ZNF366: variants seen among roughly 807,000 people sequenced by gnomAD.
ZNF366 encodes zinc finger protein 366.
ZNF366 carries 20 observed loss-of-function variants against 47.2 expected under a neutral mutation model. The ratio of observed to expected loss-of-function variants is 0.42; its 90% CI spans 0.30 to 0.62. The LOEUF is 0.62. Among genes scored for constraint, ZNF366 ranks in the 20% least tolerant of loss-of-function variants. The pLI is 0.16. For missense variants in ZNF366, 987 were observed against 976.3 expected, an observed-to-expected ratio of 1.01 and a Z score of -0.15; for synonymous variants, 421 against 395.1, an observed-to-expected ratio of 1.07 and a Z score of -0.78.
At position 72,501,596 on chromosome 5, in the gene ZNF366, C is replaced by T. The variant is rs551083123; in HGVS notation, c.-15+5655G>A. On this transcript the variant is annotated intron_variant, in intron 1 of 4. Coordinates refer to ENST00000318442, the MANE Select transcript of ZNF366 (RefSeq NM_152625.3). ...CAACAAGGGTATCACATTTCTCTCC[C>T]TGAATTTACCCCATGGTGTTTTGTC... Among the ~76,000 whole-genome samples, 19 of 152,316 alleles carry T rather than the reference C, an allele frequency of 1.2e-4. No individual in the cohort carries two copies. In the South Asian group the frequency reaches 1.9e-3, roughly 15 times the overall value.
chr5:72,457,914 C>T (rs1351914764), intron 2 of ZNF366, among the ~76,000 whole-genome samples: 1 of 150,686 alleles, frequency 6.6e-6, no homozygotes, highest in Non-Finnish European at 1.5e-5. Flanking sequence ...GGAGATGAAT[C>T]TTTAAAATGT....
rs77724139 is a variant in ZNF366 at position 72,443,692 on chromosome 5, T to C, written c.*64A>G. The C allele has an allele frequency of 4.0e-5, 61 of 1,506,318 alleles. No homozygotes were observed. In the East Asian group the frequency reaches 1.4e-3, roughly 34 times the overall value. 93.3% of individuals were successfully genotyped at this position (1,506,318 alleles called of 1,614,324 possible). A position where few individuals can be genotyped will look rare whatever the true frequency, so the allele number is the denominator to read the frequency against. On this transcript the variant is annotated 3_prime_UTR_variant, in exon 5 of 5. Coordinates refer to ENST00000318442, the MANE Select transcript of ZNF366 (RefSeq NM_152625.3). Reference sequence around the variant, plus strand: ...CCAGTCTCCAGAAAATGACAGTTCATGCAGAAAGCTATATTTGAACTGCCT... The same window carrying C: ...CCAGTCTCCAGAAAATGACAGTTCACGCAGAAAGCTATATTTGAACTGCCT...
intron 1 of ZNF366, among the ~76,000 whole-genome samples, chr5:72,494,953 C>G (rs900917396): frequency 7.9e-5 from 12 of 152,248 alleles, no homozygotes; most frequent in African/African-American, 2.6e-4. Context: ...CTCAACCCCC[C>G]GCATAATGTC....
In ZNF366 at chr5:72,444,141, T is replaced by C. The variant is rs1173964285; in HGVS notation, c.1850A>G (p.His617Arg). The C allele has an allele frequency of 1.9e-6, 3 of 1,613,664 alleles. No homozygotes were observed. The African/African-American group carries it at 4.0e-5, about 22-fold the overall frequency. ...GCAGTTATCCTCCTCTTCCTCCTCG[T>C]GGCAGTGGCTGCCCTGGGCACTCTC... ...DGESAQGSHC[H>R]EEEEEDNCYE... Residue 617 changes from histidine (H) to arginine (R), a missense_variant, in exon 5 of 5, where the codon CAC (histidine) becomes CGC (arginine). Physicochemically the swap from His to Arg is conservative, Grantham distance 29 (BLOSUM62 0). Coordinates refer to ENST00000318442, the MANE Select transcript of ZNF366 (RefSeq NM_152625.3).
Position 72,505,467 on chromosome 5 carries a change from G to C in ZNF366, c.-15+1784C>G, listed in dbSNP as rs182166215. Reference sequence around the variant, plus strand: ...ATCTCAAGCCATAGTCATGCTAGCAGTGGGGCTGTTTTCTGAGCCACTGGC... The same window carrying C: ...ATCTCAAGCCATAGTCATGCTAGCACTGGGGCTGTTTTCTGAGCCACTGGC... On this transcript the variant is annotated intron_variant, in intron 1 of 4. Transcript: ENST00000318442. Among the ~76,000 whole-genome samples the C allele has an allele frequency of 9.3e-4, 142 of 152,318 alleles. 3 individuals are homozygous for C. Among genetic ancestry groups the C allele is most frequent in the Non-Finnish European group, 1.5e-4 (10 of 68,034 alleles).
At chr5:72,494,123 A>C (rs1404335198) in intron 1 of ZNF366, 2 of 152,036 alleles carry the variant, frequency 1.3e-5, no homozygotes, top group Non-Finnish European at 2.9e-5. Flanking sequence ...CATAAACGTA[A>C]CATAACATAT....
chr5:72,489,474 C>G (rs190123366), intron 1 of ZNF366, among the ~76,000 whole-genome samples: 2 of 152,198 alleles, frequency 1.3e-5, no homozygotes, highest in East Asian at 3.9e-4. Flanking sequence ...TAATATATTT[C>G]TTCATGGAGC....
chr5:72,443,722 CT>C lies in ZNF366; in HGVS notation c.*33del. 6.3e-7 allele frequency: 1 copy of C among 1,584,738 alleles called. No individual in the cohort carries two copies. On this transcript the variant is annotated 3_prime_UTR_variant, in exon 5 of 5. Transcript: ENST00000318442. ...AAAGCTATATTTGAACTGCCTCCTTCTCATTTTCCAAATGTAATTTTAAAAC... is the reference window on the plus strand; with the variant it reads ...AAAGCTATATTTGAACTGCCTCCTTCCATTTTCCAAATGTAATTTTAAAAC...
At chr5:72,444,341 T>C (rs370447402) in intron 4 of ZNF366, 50 bp from the exon 5 acceptor site, 21 of 1,552,038 alleles carry the variant, frequency 1.4e-5, no homozygotes, top group Admixed American at 1.9e-5. Flanking sequence ...GCTGTGGAAA[T>C]GGGACCTTGA....
chr5:72,469,941 A>T (rs1459368147), intron 1 of ZNF366, among the ~76,000 whole-genome samples: 2 of 152,172 alleles, frequency 1.3e-5, no homozygotes, highest in Non-Finnish European at 2.9e-5. Context: ...GCTACTCAGG[A>T]CGCTGAGGTG....
intron 1 of ZNF366, among the ~76,000 whole-genome samples, chr5:72,501,925 C>T (rs1187999844): frequency 6.6e-6 from 1 of 152,192 alleles, no homozygotes; most frequent in African/African-American, 2.4e-5. Context: ...CATGTAGCAG[C>T]CCCATGCACA....
intron 3 of ZNF366, among the ~76,000 whole-genome samples, chr5:72,453,820 A>G (rs1743126822): frequency 6.6e-6 from 1 of 152,210 alleles, no homozygotes; most frequent in Non-Finnish European, 1.5e-5. Context: ...AAGGTGGCTG[A>G]CACTCATTCT....
At chr5:72,465,492 C>T (rs1743410947) in intron 1 of ZNF366, among the ~76,000 whole-genome samples, 1 of 152,080 alleles carries the variant, frequency 6.6e-6, no homozygotes, top group African/African-American at 2.4e-5. Flanking sequence ...TCATAGAAAA[C>T]CTCAATGTGT....
intron 1 of ZNF366, among the ~76,000 whole-genome samples, chr5:72,476,316 G>A (rs929944426): frequency 2.6e-5 from 4 of 152,090 alleles, no homozygotes; most frequent in African/African-American, 7.2e-5. Context: ...CTCTTGGGTG[G>A]GAGTCAGGCA....
chr5:72,487,847 A>C (rs938359544), intron 1 of ZNF366, among the ~76,000 whole-genome samples: 1 of 152,180 alleles, frequency 6.6e-6, no homozygotes, highest in Non-Finnish European at 1.5e-5. Flanking sequence ...CCTGTGGCAG[A>C]CTGCTTAGGA....
chr5:72,445,838 G>A (rs1260470031), intron 4 of ZNF366, among the ~76,000 whole-genome samples: 1 of 152,198 alleles, frequency 6.6e-6, no homozygotes, highest in Non-Finnish European at 1.5e-5. Context: ...AAAAACTTTT[G>A]CAGGAAAAAT....
At chr5:72,502,285 C>G (rs1744225120) in intron 1 of ZNF366, among the ~76,000 whole-genome samples, 1 of 152,112 alleles carries the variant, frequency 6.6e-6, no homozygotes. Flanking sequence ...TGTTCTTATT[C>G]TTTTATGTAA....
chr5:72,469,457 C>T (rs1254890323), intron 1 of ZNF366, among the ~76,000 whole-genome samples: 1 of 152,042 alleles, frequency 6.6e-6, no homozygotes, highest in South Asian at 2.1e-4. Context: ...GCCAAGGTGA[C>T]CAGACCCCAC....
intron 1 of ZNF366, among the ~76,000 whole-genome samples, chr5:72,495,817 G>T (rs1293713846): frequency 6.6e-6 from 1 of 152,104 alleles, no homozygotes. Flanking sequence ...TGGCTGACCT[G>T]GGTCTCAACC....
Sources: allele counts gnomAD v4.1 joint callset (sites outside exome capture counted in the v4.1 genomes callset), GRCh38; gene constraint gnomAD v4.1.1; transcripts MANE v1.5; gene names NCBI Gene and HGNC (gene_info 2026-07-23, HGNC 2026-07-21).